Variants in ZNF605 observed in about 807,000 individuals in gnomAD.
The protein encoded by ZNF605 is zinc finger protein 605.
Under a neutral mutation model 7.9 loss-of-function variants are expected in ZNF605, and 9 were observed. That is an observed-to-expected ratio of 1.14 (90% CI 0.68 to 1.98). The LOEUF (loss-of-function observed/expected upper bound fraction) is 1.98, where lower values mean the gene tolerates loss of function less well. Ranked by LOEUF, ZNF605 falls within the 30% of genes most tolerant of loss-of-function variation. The probability of loss-of-function intolerance (pLI) is 0.00; values close to 1 mark genes in which losing one functional copy is unlikely to be tolerated. For synonymous variants in ZNF605, 255 were observed against 260.1 expected, an observed-to-expected ratio of 0.98 and a Z score of 0.19; for missense variants, 673 against 762.4, an observed-to-expected ratio of 0.88 and a Z score of 1.38.
At chr12:132,934,125 A>G (rs1952334857) in intron 3 of ZNF605, among the ~76,000 whole-genome samples, 1 of 151,898 alleles carries the variant, frequency 6.6e-6, no homozygotes, top group Non-Finnish European at 1.5e-5. Flanking sequence ...GCACACACAC[A>G]CAAATTAGCT....
rs2137119161 is a variant in ZNF605, at chr12:132,921,471, C to G, written c.*3902G>C. The G allele has an allele frequency of 6.6e-6, 1 of 152,264 alleles. No individual in the cohort carries two copies. The highest frequency in any genetic ancestry group is 2.1e-4 in the South Asian group (1 of 4,822). 9.4% of individuals were successfully genotyped at this position (152,264 alleles called of 1,614,324 possible). ...ATGGGAGAATCCTGATGGTGGAAATCATTTTATTCTCATACACAGGTTATT... is the reference window on the plus strand; with the variant it reads ...ATGGGAGAATCCTGATGGTGGAAATGATTTTATTCTCATACACAGGTTATT... On this transcript the variant is annotated 3_prime_UTR_variant, in exon 5 of 5. Coordinates refer to ENST00000360187, the MANE Select transcript of ZNF605 (RefSeq NM_183238.4).
intron 4 of ZNF605, among the ~76,000 whole-genome samples, chr12:132,932,135 G>T (rs1004046367): frequency 9.9e-5 from 15 of 151,966 alleles, no homozygotes; most frequent in Admixed American, 9.8e-4. Flanking sequence ...AGTAGATATG[G>T]GGTCTTGCTT....
rs1270106296 is a variant in ZNF605 at position 132,921,813 on chromosome 12, G to C, written c.*3560C>G. On this transcript the variant is annotated 3_prime_UTR_variant, in exon 5 of 5. Coordinates refer to ENST00000360187, the MANE Select transcript of ZNF605 (RefSeq NM_183238.4). ...GTCCAGCTGGAGAGAAGGCCTGGTGGACAGAAGACAAAGGAAGGCAAAATT... is the reference window on the plus strand; with the variant it reads ...GTCCAGCTGGAGAGAAGGCCTGGTGCACAGAAGACAAAGGAAGGCAAAATT... The C allele has an allele frequency of 1.3e-5, 2 of 152,226 alleles. No individual in the cohort carries two copies. The highest frequency in any genetic ancestry group is 2.9e-5 in the Non-Finnish European group (2 of 68,052). The allele number at this position is 152,226 out of a possible 1,614,324, so 9.4% of individuals were successfully genotyped here. A position where few individuals can be genotyped will look rare whatever the true frequency, so the allele number is the denominator to read the frequency against.
At chr12:132,940,093 A>T (rs1952420391) in intron 3 of ZNF605, among the ~76,000 whole-genome samples, 1 of 152,208 alleles carries the variant, frequency 6.6e-6, no homozygotes, top group Admixed American at 6.5e-5. Flanking sequence ...AGTGAGACCA[A>T]GAACCCACCC....
At chr12:132,940,510 G>A (rs981083110) in intron 3 of ZNF605, among the ~76,000 whole-genome samples, 12 of 152,148 alleles carry the variant, frequency 7.9e-5, no homozygotes, top group African/African-American at 2.2e-4. Context: ...TGTGGTCCCC[G>A]GTCCTGAGTG....
intron 4 of ZNF605, among the ~76,000 whole-genome samples, chr12:132,930,968 AC>A (rs1259238877): frequency 6.6e-6 from 1 of 152,032 alleles, no homozygotes; most frequent in Admixed American, 6.6e-5. Flanking sequence ...GATCACTTGA[AC>A]CCAGAGTTTG....
chr12:132,925,098 A>G lies in ZNF605; in HGVS notation c.*275T>C, dbSNP rs900137176. On this transcript the variant is annotated 3_prime_UTR_variant, in exon 5 of 5. Transcript: ENST00000360187. The stretch of plus-strand genomic sequence containing the variant: ...TTTAATAAACTGACTTTTGACTAAA[A>G]GCTTCTCTACTATCACAACACTAAT... The G allele has an allele frequency of 3.1e-6, 1 of 321,342 alleles. No homozygotes were observed. Among genetic ancestry groups the G allele is most frequent in the African/African-American group, 2.1e-5 (1 of 46,722 alleles). The allele number at this position is 321,342 out of a possible 1,614,324, so 19.9% of individuals were successfully genotyped here.
chr12:132,939,868 A>C (rs1260710823), intron 3 of ZNF605, among the ~76,000 whole-genome samples: 2 of 149,558 alleles, frequency 1.3e-5, no homozygotes, highest in Non-Finnish European at 2.9e-5. Flanking sequence ...CCACGAGCCC[A>C]CCGGGAGGAA....
intron 3 of ZNF605, among the ~76,000 whole-genome samples, chr12:132,944,505 C>T (rs897012731): frequency 4.6e-5 from 7 of 152,182 alleles, no homozygotes; most frequent in Non-Finnish European, 1.5e-5. Flanking sequence ...CCATCCAAAA[C>T]ACATCAACAT....
At chr12:132,942,910 G>A (rs971383061) in intron 3 of ZNF605, among the ~76,000 whole-genome samples, 15 of 152,276 alleles carry the variant, frequency 9.9e-5, no homozygotes, top group African/African-American at 3.1e-4. Context: ...TTGGAGTGGC[G>A]TCATAGCCAT....
At chr12:132,942,880 T>C (rs1400199651) in intron 3 of ZNF605, among the ~76,000 whole-genome samples, 1 of 152,194 alleles carries the variant, frequency 6.6e-6, no homozygotes, top group Non-Finnish European at 1.5e-5. Context: ...TGTTCAGTCC[T>C]CCGGGCCCGA....
chr12:132,946,088 A>G (rs1192552555), intron 2 of ZNF605, among the ~76,000 whole-genome samples: 1 of 152,094 alleles, frequency 6.6e-6, no homozygotes, highest in Non-Finnish European at 1.5e-5. Flanking sequence ...TCAAGCAGAC[A>G]CCTCCAGAGG....
At chr12:132,938,932 C>T (rs1402105290) in intron 3 of ZNF605, among the ~76,000 whole-genome samples, 47 of 152,188 alleles carry the variant, frequency 3.1e-4, no homozygotes, top group African/African-American at 1.1e-3. Flanking sequence ...GGTCCCCCAG[C>T]AGTGCTGGCC....
chr12:132,927,064 A>G lies in ZNF605; in HGVS notation c.235T>C (p.Phe79Leu). The stretch of plus-strand genomic sequence containing the variant: ...TGAACAATGTTTATGCTTGAATTAA[A>G]TATTTTTCCAAAAACATCATATTTA... ...GHKYDVFGKI[F>L]NSSINIVHVG... The change falls in exon 5 of 5, where the codon TTT becomes CTT. Residue 79 changes from phenylalanine to leucine, a missense_variant. By Grantham distance (22) the Phe-to-Leu change is conservative. Coordinates refer to ENST00000360187, the MANE Select transcript of ZNF605 (RefSeq NM_183238.4). 7 of 1,603,660 alleles carry G rather than the reference A, an allele frequency of 4.4e-6. No homozygotes were observed. The Middle Eastern group carries it at 5.0e-4, about 113-fold the overall frequency.
intron 3 of ZNF605, among the ~76,000 whole-genome samples, chr12:132,934,723 G>GA (rs55959927): frequency 0.03 from 234 of 7,766 alleles, 4 homozygotes; most frequent in Middle Eastern, 0.17. Context: ...AAAAAAAAAA[G>GA]ATTCCAGGAA....
chr12:132,928,272 T>C (rs940373533), intron 4 of ZNF605, among the ~76,000 whole-genome samples: 21 of 152,310 alleles, frequency 1.4e-4, no homozygotes, highest in African/African-American at 4.8e-4. Flanking sequence ...ACCTGAAAGA[T>C]AAGAAACATT....
chr12:132,944,116 G>A (rs1286584047), intron 3 of ZNF605, among the ~76,000 whole-genome samples: 1 of 152,100 alleles, frequency 6.6e-6, no homozygotes, highest in East Asian at 1.9e-4. Context: ...TGTCATTGTT[G>A]TTGTCCTACA....
chr12:132,940,016 C>A (rs1952419015), intron 3 of ZNF605, among the ~76,000 whole-genome samples: 2 of 152,314 alleles, frequency 1.3e-5, no homozygotes, highest in Non-Finnish European at 2.9e-5. Context: ...AAGGGACAGA[C>A]TCCAGACGCG....
At chr12:132,927,653 T>G (rs1952260756) in intron 4 of ZNF605, among the ~76,000 whole-genome samples, 1 of 140,004 alleles carries the variant, frequency 7.1e-6, no homozygotes, top group South Asian at 2.3e-4. Flanking sequence ...TGTGAGCCAC[T>G]GCGCCCAGCC....
Sources: allele counts gnomAD v4.1 joint callset (sites outside exome capture counted in the v4.1 genomes callset), GRCh38; gene constraint gnomAD v4.1.1; transcripts MANE v1.5; gene names NCBI Gene and HGNC (gene_info 2026-07-23, HGNC 2026-07-21).